The following SDK2 variants were observed in gnomAD, a reference collection of about 807,000 sequenced individuals.
The protein encoded by SDK2 is protein sidekick-2.
A neutral mutation model predicts 253.9 loss-of-function variants in SDK2; 105 were observed. That is an observed-to-expected ratio of 0.41 (90% CI 0.35 to 0.49). SDK2 has a LOEUF of 0.49. Ranked by LOEUF, SDK2 falls within the 20% of genes least tolerant of loss-of-function variation. The pLI is 0.06. For missense variants in SDK2, 2,608 were observed against 3,003.0 expected (o/e 0.87, Z 3.07); for synonymous variants, 1,249 against 1,234.9 (o/e 1.01, Z -0.24).
intron 1 of SDK2, among the ~76,000 whole-genome samples, chr17:73,514,249 AGAGGCCAGCAAGAGGC>A (rs571073570): frequency 1.3e-5 from 2 of 152,260 alleles, no homozygotes; most frequent in South Asian, 4.1e-4. Flanking sequence ...AGCGGCCTTC[AGAGGCCAGCAAGAGGC>A]CTCAGCCCGG....
At position 73,639,645 on chromosome 17, in the gene SDK2, A is replaced by C. The variant is rs757841746; in HGVS notation, c.64+4380T>G. On this transcript the variant is annotated intron_variant, in intron 1 of 44. Transcript: ENST00000392650. This position sits in a 1 kb window ranked among gnomAD's most constrained non-coding sequence, Gnocchi z 4.3. Reference sequence around the variant, plus strand: ...AGGGGGAGCGGGGTAGAAACCCCGCAGGGCGCACACTAACACCCGACATCA... The same window carrying C: ...AGGGGGAGCGGGGTAGAAACCCCGCCGGGCGCACACTAACACCCGACATCA... Among the ~76,000 whole-genome samples, 5 of 152,116 alleles carry C rather than the reference A, an allele frequency of 3.3e-5. No homozygotes were observed. Among genetic ancestry groups the C allele is most frequent in the Admixed American group, 6.6e-5 (1 of 15,264 alleles).
chr17:73,427,605 T>C (rs2063293186), intron 12 of SDK2, among the ~76,000 whole-genome samples: 1 of 125,702 alleles, frequency 8.0e-6, no homozygotes, highest in South Asian at 2.5e-4. Flanking sequence ...AGAAGTCTTT[T>C]CAACAAACAG....
At chr17:73,542,431 G>A (rs1385690661) in intron 1 of SDK2, among the ~76,000 whole-genome samples, 2 of 152,194 alleles carry the variant, frequency 1.3e-5, no homozygotes, top group Admixed American at 6.5e-5. Flanking sequence ...GGAGGGGGCT[G>A]GTGAAACAGC....
chr17:73,430,132 G>A lies in SDK2; in HGVS notation c.1583+379C>T, dbSNP rs143844739. ...GGCCAGAGGGCCAAAGACTTGGGGT[G>A]GGCTGGGGGACACTAGCAGTGGCGT... is the stretch of plus-strand genomic sequence containing the variant. On this transcript the variant is annotated intron_variant, in intron 12 of 44. Coordinates refer to ENST00000392650, the MANE Select transcript of SDK2 (RefSeq NM_001144952.2). Among the ~76,000 whole-genome samples the A allele has an allele frequency of 4.8e-3, 733 of 152,304 alleles. 6 individuals are homozygous for A. Among genetic ancestry groups the A allele is most frequent in the Non-Finnish European group, 9.0e-3 (610 of 68,020 alleles).
chr17:73,617,389 T>G (rs972277854), intron 1 of SDK2, among the ~76,000 whole-genome samples: 1 of 151,940 alleles, frequency 6.6e-6, no homozygotes, highest in Non-Finnish European at 1.5e-5. Flanking sequence ...CTTCTCTTTC[T>G]AGGATGGTTT....
At chr17:73,380,130 G>C (rs1445990204) in intron 34 of SDK2, among the ~76,000 whole-genome samples, 2 of 152,140 alleles carry the variant, frequency 1.3e-5, no homozygotes, top group Non-Finnish European at 1.5e-5. Flanking sequence ...CCCCGTAGCT[G>C]AAAGTTTCTC....
chr17:73,355,708 G>A (rs905625586), intron 40 of SDK2, among the ~76,000 whole-genome samples: 3 of 152,028 alleles, frequency 2.0e-5, no homozygotes, highest in Non-Finnish European at 2.9e-5. Flanking sequence ...AATCCCTCAA[G>A]GGCAAGGATC....
chr17:73,624,231 C>T (rs930830308), intron 1 of SDK2, among the ~76,000 whole-genome samples: 2 of 152,250 alleles, frequency 1.3e-5, no homozygotes, highest in African/African-American at 2.4e-5. Context: ...TGGTAGCTCA[C>T]GCCTGTAACC....
In SDK2 at chr17:73,466,715, G is replaced by GCCC. The variant is rs869108125; in HGVS notation, c.331+5394_331+5396dup. ...GATCATTTTGGAGGCTCTGGGGAAC[G>GCCC]CCCCCCCCCCCCGGCTTAGGCTCTG... On this transcript the variant is annotated intron_variant, in intron 3 of 44. Coordinates refer to ENST00000392650, the MANE Select transcript of SDK2 (RefSeq NM_001144952.2). 3.8e-4 allele frequency among the ~76,000 whole-genome samples: 41 copies of GCCC among 107,066 alleles called. 2 individuals are homozygous for GCCC. The highest frequency in any genetic ancestry group is 2.4e-3 in the South Asian group (8 of 3,404). The allele number at this position is 107,066 out of a possible 152,430, so 70.2% of individuals were successfully genotyped here.
At chr17:73,604,349 C>T (rs2045880553) in intron 1 of SDK2, among the ~76,000 whole-genome samples, 1 of 152,212 alleles carries the variant, frequency 6.6e-6, no homozygotes, top group Admixed American at 6.5e-5. Context: ...GCATCATCTC[C>T]CAGGAGGACA....
intron 40 of SDK2, among the ~76,000 whole-genome samples, chr17:73,353,752 G>A (rs2062560227): frequency 7.6e-6 from 1 of 132,180 alleles, no homozygotes; most frequent in African/African-American, 2.9e-5. Flanking sequence ...CATCCAGGCT[G>A]GAGTGCAGTG....
rs927350875 is a variant in SDK2, at chr17:73,482,576, C to T, written c.225-10358G>A. On this transcript the variant is annotated intron_variant, in intron 2 of 44. Coordinates refer to ENST00000392650, the MANE Select transcript of SDK2 (RefSeq NM_001144952.2). ...GAGCTGGGGGCCGCTATCCCGGTGACAGCTCTGGCTTGCGATGGCTGGGGG... is the reference window on the plus strand; with the variant it reads ...GAGCTGGGGGCCGCTATCCCGGTGATAGCTCTGGCTTGCGATGGCTGGGGG... 3.3e-5 allele frequency among the ~76,000 whole-genome samples: 5 copies of T among 152,376 alleles called. No homozygotes were observed. In the East Asian group the frequency reaches 9.7e-4, roughly 29 times the overall value.
chr17:73,565,197 A>AGGAGGAGAGCCAGAG (rs1291519517), intron 1 of SDK2, among the ~76,000 whole-genome samples: 4 of 152,232 alleles, frequency 2.6e-5, no homozygotes, highest in Non-Finnish European at 5.9e-5. Context: ...GAATCCCAGA[A>AGGAGGAGAGCCAGAG]GGAGGAGAGC....
intron 40 of SDK2, among the ~76,000 whole-genome samples, chr17:73,355,174 A>ATATTTTTTTTTTTTTTTT: frequency 4.2e-5 from 2 of 47,224 alleles, no homozygotes; most frequent in African/African-American, 1.6e-4. Context: ...ATATATATAT[A>ATATTTTTTTTTTTTTTTT]TTTTTTTTTT....
chr17:73,586,771 C>A (rs567006138), intron 1 of SDK2, among the ~76,000 whole-genome samples: 227 of 152,314 alleles, frequency 1.5e-3, no homozygotes, highest in Middle Eastern at 3.4e-3. Flanking sequence ...TGATTATAAT[C>A]GTTGGCATTC....
chr17:73,464,599 G>C (rs1486952567), intron 3 of SDK2, among the ~76,000 whole-genome samples: 4 of 152,118 alleles, frequency 2.6e-5, no homozygotes. Flanking sequence ...TCCACTTTCT[G>C]CTTCCCCACT....
At chr17:73,536,702 T>G (rs1432765393) in intron 1 of SDK2, among the ~76,000 whole-genome samples, 1 of 152,194 alleles carries the variant, frequency 6.6e-6, no homozygotes, top group African/African-American at 2.4e-5. Context: ...GTGCAAGCAA[T>G]GCACAACTAG....
intron 1 of SDK2, among the ~76,000 whole-genome samples, chr17:73,574,849 C>T (rs1204093817): frequency 1.3e-5 from 2 of 152,124 alleles, no homozygotes; most frequent in Non-Finnish European, 2.9e-5. Context: ...AAGTATGAGT[C>T]TCTGGTGGAA....
rs2062368745 is a variant in SDK2 at position 73,335,199 on chromosome 17, T to A, written c.*3388A>T. The A allele has an allele frequency of 6.6e-6, 1 of 152,604 alleles. No individual in the cohort carries two copies. Among genetic ancestry groups the A allele is most frequent in the South Asian group, 2.1e-4 (1 of 4,826 alleles). The allele number at this position is 152,604 out of a possible 1,614,324, so 9.5% of individuals were successfully genotyped here. On this transcript the variant is annotated 3_prime_UTR_variant, in exon 45 of 45. Transcript: ENST00000392650. The stretch of plus-strand genomic sequence containing the variant: ...TGGAGCCCAGAGCATCTTTTTGGTT[T>A]GTCTTGGCAGTGTGGGTGTGGAGCT...
Sources: gnomAD v4.1 joint callset for allele counts (sites outside exome capture counted in the v4.1 genomes callset) on GRCh38, gnomAD v4.1.1 for gene constraint, Gnocchi (gnomAD v3.1) non-coding constraint, MANE v1.5 for transcripts, NCBI Gene and HGNC (gene_info 2026-07-23, HGNC 2026-07-21) for gene names.